SLIT1: variants seen among roughly 807,000 people sequenced by gnomAD.
The protein encoded by SLIT1 is slit guidance ligand 1.
Under a neutral mutation model 186.1 loss-of-function variants are expected in SLIT1, and 66 were observed. The observed-to-expected ratio is 0.35, with a 90% CI of 0.29 to 0.44. SLIT1 has a LOEUF of 0.44. Ranked by LOEUF, SLIT1 falls within the 20% of genes least tolerant of loss-of-function variation. SLIT1 has a pLI of 1.00. For synonymous variants in SLIT1, 761 were observed against 833.8 expected, an observed-to-expected ratio of 0.91 and a Z score of 1.50; for missense variants, 1,638 against 2,037.4, an observed-to-expected ratio of 0.80 and a Z score of 3.77.
chr10:97,030,735 A>C, intron 25 of SLIT1, 22 bp downstream of exon 25: 1 of 1,600,476 alleles, frequency 6.2e-7, no homozygotes, highest in Non-Finnish European at 8.6e-7. Context: ...AGAGGCCCAG[A>C]GAAAGGGGCT....
chr10:97,114,470 C>G (rs554774301), intron 4 of SLIT1, among the ~76,000 whole-genome samples: 1 of 152,292 alleles, frequency 6.6e-6, no homozygotes, highest in South Asian at 2.1e-4. Flanking sequence ...GCCTAGGAAA[C>G]AAGACCAGCC....
intron 4 of SLIT1, among the ~76,000 whole-genome samples, chr10:97,115,073 C>A (rs1017870558): frequency 6.6e-6 from 1 of 152,222 alleles, no homozygotes; most frequent in African/African-American, 2.4e-5. Context: ...AGTGACCTGG[C>A]AGAGCACAAA....
At chr10:97,128,327 GC>G (rs1849622355) in intron 4 of SLIT1, among the ~76,000 whole-genome samples, 1 of 152,164 alleles carries the variant, frequency 6.6e-6, no homozygotes, top group Non-Finnish European at 1.5e-5. Context: ...ATAAAGATGG[GC>G]CCAGCAGGAC....
At position 97,134,913 on chromosome 10, in the gene SLIT1, A is replaced by G. The variant is rs534021610; in HGVS notation, c.413+22905T>C. Among the ~76,000 whole-genome samples, 13 of 152,192 alleles carry G rather than the reference A, an allele frequency of 8.5e-5. No individual in the cohort carries two copies. The South Asian group carries it at 1.5e-3, about 17-fold the overall frequency. On this transcript the variant is annotated intron_variant, in intron 4 of 36. Coordinates refer to ENST00000266058, the MANE Select transcript of SLIT1 (RefSeq NM_003061.3). ...ACTCACTGTGCAACCTGGGCAAGTC[A>G]CCAAATGAGGGGTCTCCTCTCCTGC...
At chr10:97,133,920 A>G (rs1257394704) in intron 4 of SLIT1, among the ~76,000 whole-genome samples, 1 of 151,956 alleles carries the variant, frequency 6.6e-6, no homozygotes, top group African/African-American at 2.4e-5. Flanking sequence ...ATTTGCCATC[A>G]TTTCTGGACA....
intron 7 of SLIT1, 78 bp downstream of exon 7, chr10:97,064,090 C>T: frequency 8.1e-7 from 1 of 1,230,808 alleles, no homozygotes; most frequent in African/African-American, 1.5e-5. Context: ...TCTGCAAAAC[C>T]TTCACCTCCT....
At chr10:97,112,502 C>G (rs986683583) in intron 4 of SLIT1, among the ~76,000 whole-genome samples, 1 of 152,214 alleles carries the variant, frequency 6.6e-6, no homozygotes, top group African/African-American at 2.4e-5. Flanking sequence ...AATCCACACT[C>G]ATGGGCAGGA....
In SLIT1 at chr10:97,010,617, G is replaced by A. The variant is rs1848402109; in HGVS notation, c.3341+376C>T. Reference sequence around the variant, plus strand: ...CAAATGAGTGAGCAGAGCATGGGACGTGGGTGGCCAGAGGGAGGGTGGGCC... The same window carrying A: ...CAAATGAGTGAGCAGAGCATGGGACATGGGTGGCCAGAGGGAGGGTGGGCC... On this transcript the variant is annotated intron_variant, in intron 31 of 36. Transcript: ENST00000266058. The surrounding 1 kb of genome is among the most constrained non-coding windows in gnomAD (Gnocchi z 4.8). Among the ~76,000 whole-genome samples, 1 of 152,224 alleles carries A rather than the reference G, an allele frequency of 6.6e-6. No individual in the cohort carries two copies. Among genetic ancestry groups the A allele is most frequent in the African/African-American group, 2.4e-5 (1 of 41,460 alleles).
At chr10:97,034,705 C>T (rs1324041857) in intron 22 of SLIT1, among the ~76,000 whole-genome samples, 163 bp from the exon 23 acceptor site, 1 of 152,206 alleles carries the variant, frequency 6.6e-6, no homozygotes, top group Non-Finnish European at 1.5e-5. Context: ...TCAGCGCTTG[C>T]TTAGCTACAG....
chr10:97,147,858 C>T, intron 4 of SLIT1, among the ~76,000 whole-genome samples: 1 of 152,200 alleles, frequency 6.6e-6, no homozygotes. Flanking sequence ...CATTCCCACC[C>T]CTGTGTCTGC....
At position 97,001,089 on chromosome 10, in the gene SLIT1, C is replaced by T. The variant is rs748535014; in HGVS notation, c.*23G>A. The T allele has an allele frequency of 5.6e-6, 9 of 1,601,982 alleles. No homozygotes were observed. In the East Asian group the frequency reaches 2.0e-4, roughly 36 times the overall value. On this transcript the variant is annotated 3_prime_UTR_variant, in exon 37 of 37. Coordinates refer to ENST00000266058, the MANE Select transcript of SLIT1 (RefSeq NM_003061.3). Reference sequence around the variant, plus strand: ...GCGGCTGGGGCCCCTTGCCCGCCCTCACCGGCCTGTCCACGCCCAGCGCTA... The same window carrying T: ...GCGGCTGGGGCCCCTTGCCCGCCCTTACCGGCCTGTCCACGCCCAGCGCTA...
chr10:97,099,325 A>G (rs112808185), intron 4 of SLIT1, among the ~76,000 whole-genome samples: 69 of 152,294 alleles, frequency 4.5e-4, no homozygotes, highest in African/African-American at 1.6e-3. Context: ...CACAGGCACC[A>G]CCGCACCAGG....
At chr10:97,141,634 A>C (rs1334257168) in intron 4 of SLIT1, among the ~76,000 whole-genome samples, 1 of 152,170 alleles carries the variant, frequency 6.6e-6, no homozygotes, top group Non-Finnish European at 1.5e-5. Flanking sequence ...TAGCCACCTT[A>C]ATGCACTGTA....
chr10:97,093,132 G>A (rs770910298), intron 4 of SLIT1, among the ~76,000 whole-genome samples: 88 of 152,226 alleles, frequency 5.8e-4, no homozygotes, highest in Admixed American at 7.2e-4. Flanking sequence ...AAACTGTAAG[G>A]TGGTGTGAGA....
chr10:97,012,046 C>A (rs1001572284), intron 30 of SLIT1, among the ~76,000 whole-genome samples: 1 of 146,984 alleles, frequency 6.8e-6, no homozygotes, highest in Admixed American at 6.9e-5. Context: ...CAGTGTTTTT[C>A]GGGCTATAAG....
chr10:97,080,695 A>C (rs945836310), intron 4 of SLIT1, among the ~76,000 whole-genome samples: 1 of 152,266 alleles, frequency 6.6e-6, no homozygotes, highest in African/African-American at 2.4e-5. Context: ...AACTGCTGTA[A>C]TAAAGACAAA....
chr10:97,058,404 G>A (rs1258896248), intron 11 of SLIT1, among the ~76,000 whole-genome samples: 1 of 152,156 alleles, frequency 6.6e-6, no homozygotes, highest in African/African-American at 2.4e-5. Context: ...TACCTTTTTA[G>A]ACTGCCATGT....
At chr10:97,018,342 C>T (rs954214568) in intron 28 of SLIT1, among the ~76,000 whole-genome samples, 4 of 152,192 alleles carry the variant, frequency 2.6e-5, no homozygotes, top group East Asian at 1.9e-4. Context: ...GGGAGCTGTG[C>T]GGCTTAGGTA....
intron 4 of SLIT1, among the ~76,000 whole-genome samples, chr10:97,139,131 G>A (rs537379087): frequency 2.1e-4 from 32 of 152,316 alleles, no homozygotes; most frequent in African/African-American, 5.3e-4. Context: ...CCAAGTCAGC[G>A]GGAGTGAGGC....
Sources: allele counts gnomAD v4.1 joint callset (sites outside exome capture counted in the v4.1 genomes callset), GRCh38; gene constraint gnomAD v4.1.1; non-coding constraint Gnocchi (gnomAD v3.1); transcripts MANE v1.5; gene names NCBI Gene and HGNC (gene_info 2026-07-23, HGNC 2026-07-21).